PCSK5: variants seen among roughly 807,000 people sequenced by gnomAD.
PCSK5 encodes proprotein convertase subtilisin/kexin type 5.
PCSK5 carries 129 observed loss-of-function variants against 233.2 expected under a neutral mutation model. The ratio of observed to expected loss-of-function variants is 0.55; its 90% CI spans 0.48 to 0.64. The LOEUF is 0.64. Ranked by LOEUF, PCSK5 falls within the 30% of genes least tolerant of loss-of-function variation. The pLI, the probability that PCSK5 is intolerant of heterozygous loss-of-function variation, is 0.00. For missense variants in PCSK5, 2,076 were observed against 2,430.1 expected, an observed-to-expected ratio of 0.85 and a Z score of 3.06; for synonymous variants, 825 against 879.2, an observed-to-expected ratio of 0.94 and a Z score of 1.09.
chr9:76,318,112 T>C (rs1306287271), intron 30 of PCSK5, among the ~76,000 whole-genome samples: 3 of 152,194 alleles, frequency 2.0e-5, no homozygotes, highest in African/African-American at 7.2e-5. Context: ...GTTCCAGCTC[T>C]TCCATTCAGC....
chr9:76,057,818 A>G (rs1829875070), intron 5 of PCSK5, among the ~76,000 whole-genome samples: 1 of 147,774 alleles, frequency 6.8e-6, no homozygotes, highest in African/African-American at 2.5e-5. Flanking sequence ...AAAACTCAGG[A>G]AAGTATTCAG....
chr9:76,281,525 G>A (rs1041831865), intron 24 of PCSK5, among the ~76,000 whole-genome samples: 5 of 152,196 alleles, frequency 3.3e-5, no homozygotes, highest in African/African-American at 1.2e-4. Flanking sequence ...AACTATTACT[G>A]CTCATTGACA....
At chr9:75,900,955 G>A (rs4744774) in intron 1 of PCSK5, among the ~76,000 whole-genome samples, 21,109 of 151,934 alleles carry the variant, frequency 0.14, 1,565 homozygotes, top group Admixed American at 0.17. Context: ...GAAACACAGT[G>A]AGCACGTGGG....
At position 76,216,234 on chromosome 9, in the gene PCSK5, G is replaced by A. The variant is rs534004321; in HGVS notation, c.2627-11269G>A. On this transcript the variant is annotated intron_variant, in intron 20 of 37. Coordinates refer to ENST00000674117, the MANE Select transcript of PCSK5 (RefSeq NM_001372043.1). ...TACAATGCCACTGGTGGAACCCGGC[G>A]CTCTACAGCATAGATGGGGTAGAGA... Among the ~76,000 whole-genome samples, 17 of 152,264 alleles carry A rather than the reference G, an allele frequency of 1.1e-4. No individual in the cohort carries two copies. The South Asian group carries it at 1.2e-3, about 11-fold the overall frequency.
chr9:76,162,522 G>A (rs922479952), intron 12 of PCSK5, among the ~76,000 whole-genome samples: 1 of 151,966 alleles, frequency 6.6e-6, no homozygotes, highest in African/African-American at 2.4e-5. Context: ...GGTATGCAAG[G>A]CAGTCCGTCT....
At chr9:76,200,474 C>T (rs577656228) in intron 20 of PCSK5, among the ~76,000 whole-genome samples, 12 of 152,236 alleles carry the variant, frequency 7.9e-5, no homozygotes, top group East Asian at 1.9e-4. Flanking sequence ...TTTTATGGTT[C>T]GTTACTTGTT....
chr9:76,255,548 C>G (rs187130332), intron 24 of PCSK5, among the ~76,000 whole-genome samples: 1 of 152,180 alleles, frequency 6.6e-6, no homozygotes, highest in Non-Finnish European at 1.5e-5. Flanking sequence ...AGGCTAGGCT[C>G]AGTGGCTTAC....
intron 37 of PCSK5, 108 bp downstream of exon 37, chr9:76,354,327 C>T (rs1830244385): frequency 1.2e-6 from 1 of 817,988 alleles, no homozygotes; most frequent in Non-Finnish European, 1.9e-6. Flanking sequence ...ATATGGCTAC[C>T]TTTTTATTGA....
intron 20 of PCSK5, among the ~76,000 whole-genome samples, chr9:76,205,843 C>G (rs1443165583): frequency 6.6e-6 from 1 of 152,178 alleles, no homozygotes; most frequent in South Asian, 2.1e-4. Flanking sequence ...CTTCACCTCC[C>G]TCCTAAACCC....
intron 3 of PCSK5, among the ~76,000 whole-genome samples, chr9:76,017,779 G>C (rs1195994204): frequency 2.0e-5 from 3 of 152,130 alleles, no homozygotes; most frequent in African/African-American, 4.8e-5. Flanking sequence ...CTAAGGATTT[G>C]AAGTCCATCA....
In PCSK5 at chr9:76,179,568, A is replaced by C. The variant is rs748044608; in HGVS notation, c.1901-28A>C. 1.4e-5 allele frequency: 22 copies of C among 1,536,410 alleles called. No individual in the cohort carries two copies. The South Asian group carries it at 2.0e-4, about 14-fold the overall frequency. On this transcript the variant is annotated intron_variant, in intron 14 of 37. Transcript: ENST00000674117. ...TGACCTGCTCTAAAATCATTTTTCC[A>C]AGTATTGTTCTAATGTCTTTTGGAA...
rs529718209 is a variant in PCSK5, at chr9:76,022,521, G to A, written c.412-1217G>A. Reference sequence around the variant, plus strand: ...CGTGTTACTATGGAATTATGTAGCAGCACAGCTCTCCTCTTTTGTTCCTCT... The same window carrying A: ...CGTGTTACTATGGAATTATGTAGCAACACAGCTCTCCTCTTTTGTTCCTCT... On this transcript the variant is annotated intron_variant, in intron 3 of 37. Coordinates refer to ENST00000674117, the MANE Select transcript of PCSK5 (RefSeq NM_001372043.1). 2.6e-5 allele frequency among the ~76,000 whole-genome samples: 4 copies of A among 152,278 alleles called. No individual in the cohort carries two copies. The East Asian group carries it at 7.7e-4, about 29-fold the overall frequency.
At chr9:76,230,094 T>C (rs1979737) in intron 21 of PCSK5, among the ~76,000 whole-genome samples, 57,545 of 152,020 alleles carry the variant, frequency 0.38, 11,169 homozygotes, top group Non-Finnish European at 0.42. Context: ...GGAAAATTTG[T>C]TGGTGTCTGT....
chr9:76,219,390 A>G (rs927778578), intron 20 of PCSK5, among the ~76,000 whole-genome samples: 3 of 152,112 alleles, frequency 2.0e-5, no homozygotes, highest in Admixed American at 1.3e-4. Context: ...GCCATGAGGG[A>G]GGTTCATTGG....
chr9:76,210,796 A>G (rs891149788), intron 20 of PCSK5, among the ~76,000 whole-genome samples: 1 of 152,194 alleles, frequency 6.6e-6, no homozygotes, highest in African/African-American at 2.4e-5. Context: ...ACCATATGGT[A>G]TAGAAATGAT....
At chr9:76,125,099 A>T (rs1832793144) in intron 9 of PCSK5, among the ~76,000 whole-genome samples, 1 of 151,864 alleles carries the variant, frequency 6.6e-6, no homozygotes, top group Admixed American at 6.6e-5. Flanking sequence ...TCCTTTGTTT[A>T]AAAAAATTAT....
intron 35 of PCSK5, among the ~76,000 whole-genome samples, chr9:76,346,071 G>A (rs1829972650): frequency 6.6e-6 from 1 of 152,192 alleles, no homozygotes; most frequent in Non-Finnish European, 1.5e-5. Context: ...CCTATATGGT[G>A]ACAGGTAGGG....
chr9:76,230,278 T>G (rs1826035819), intron 21 of PCSK5, among the ~76,000 whole-genome samples: 1 of 152,134 alleles, frequency 6.6e-6, no homozygotes, highest in Non-Finnish European at 1.5e-5. Flanking sequence ...TTACAAAAAC[T>G]GGAGATCTCA....
intron 20 of PCSK5, among the ~76,000 whole-genome samples, chr9:76,223,962 T>A (rs1052735401): frequency 6.6e-6 from 1 of 152,222 alleles, no homozygotes; most frequent in East Asian, 1.9e-4. Context: ...CAGTTGCTTA[T>A]GTAACTAATT....
Sources: allele counts gnomAD v4.1 joint callset (sites outside exome capture counted in the v4.1 genomes callset), GRCh38; gene constraint gnomAD v4.1.1; transcripts MANE v1.5; gene names NCBI Gene and HGNC (gene_info 2026-07-23, HGNC 2026-07-21).